Variants in NCOA1 observed in about 807,000 individuals in gnomAD.
The protein encoded by NCOA1 is Hin-2 protein.
A neutral mutation model predicts 150.9 loss-of-function variants in NCOA1; 35 were observed. The ratio of observed to expected loss-of-function variants is 0.23; its 90% CI spans 0.18 to 0.31. The LOEUF (loss-of-function observed/expected upper bound fraction) is 0.31. NCOA1 is among the 10% of genes least tolerant of loss of function. The probability of loss-of-function intolerance (pLI) is 1.00; values close to 1 mark genes in which losing one functional copy is unlikely to be tolerated. For synonymous variants in NCOA1, 590 were observed against 630.0 expected, an observed-to-expected ratio of 0.94 and a Z score of 0.95; for missense variants, 1,491 against 1,749.3, an observed-to-expected ratio of 0.85 and a Z score of 2.63.
chr2:24,747,171 C>G (rs1273624468), intron 19 of NCOA1, among the ~76,000 whole-genome samples: 1 of 151,920 alleles, frequency 6.6e-6, no homozygotes, highest in African/African-American at 2.4e-5. Context: ...CCAATATGAA[C>G]AGTTAGAATG....
intron 22 of NCOA1, among the ~76,000 whole-genome samples, chr2:24,766,705 GGAAGAGGGCTGGCA>G (rs1665082601): frequency 6.6e-6 from 1 of 152,078 alleles, no homozygotes; most frequent in African/African-American, 2.4e-5. Flanking sequence ...GAGAGGAGCG[GGAAGAGGGCTGGCA>G]GGAGGATCGT....
chr2:24,655,940 T>C lies in NCOA1; in HGVS notation c.-17-2721T>C, dbSNP rs549592775. Among the ~76,000 whole-genome samples, 19 of 151,782 alleles carry C rather than the reference T, an allele frequency of 1.3e-4. No homozygotes were observed. In the East Asian group the frequency reaches 3.5e-3, roughly 28 times the overall value. ...CATCTCTACTAAAAATACAAAAAAT[T>C]AGCCGGGCATGGTGGCAGGTGCCTG... On this transcript the variant is annotated intron_variant, in intron 4 of 22. Coordinates refer to ENST00000348332, the MANE Select transcript of NCOA1 (RefSeq NM_003743.5).
At chr2:24,620,479 C>T (rs1669089025) in intron 3 of NCOA1, among the ~76,000 whole-genome samples, 1 of 152,128 alleles carries the variant, frequency 6.6e-6, no homozygotes, top group Non-Finnish European at 1.5e-5. Context: ...TGGTGCATGC[C>T]TGTAATCCCA....
chr2:24,527,507 A>G (rs1423264300), intron 1 of NCOA1, among the ~76,000 whole-genome samples: 2 of 152,182 alleles, frequency 1.3e-5, no homozygotes, highest in Non-Finnish European at 2.9e-5. Flanking sequence ...TAAGGCTTAC[A>G]TAATATTCCA....
At chr2:24,498,931 T>G (rs1663339410) in intron 1 of NCOA1, among the ~76,000 whole-genome samples, 2 of 152,234 alleles carry the variant, frequency 1.3e-5, no homozygotes, top group African/African-American at 4.8e-5. Context: ...TTATGTATAT[T>G]TAAACACAGA....
At chr2:24,545,324 C>T (rs1404687216) in intron 1 of NCOA1, among the ~76,000 whole-genome samples, 2 of 152,112 alleles carry the variant, frequency 1.3e-5, no homozygotes, top group African/African-American at 4.8e-5. Flanking sequence ...CAGGAGCCAA[C>T]TGAAAGAGCA....
chr2:24,588,621 G>A (rs1043184430), intron 3 of NCOA1, among the ~76,000 whole-genome samples: 1 of 152,146 alleles, frequency 6.6e-6, no homozygotes, highest in African/African-American at 2.4e-5. Flanking sequence ...ACACTTACTT[G>A]TCTTTAGAGT....
chr2:24,682,824 A>G lies in NCOA1; in HGVS notation c.355-127A>G, dbSNP rs559573482. On this transcript the variant is annotated intron_variant, in intron 7 of 22. Coordinates refer to ENST00000348332, the MANE Select transcript of NCOA1 (RefSeq NM_003743.5). ...ATGTCTCTCTCTCCTGCGTATCACAATTTCCTTGAGGACAGAGACCAGGTC... is the reference window on the plus strand; with the variant it reads ...ATGTCTCTCTCTCCTGCGTATCACAGTTTCCTTGAGGACAGAGACCAGGTC... The G allele has an allele frequency of 4.5e-4, 330 of 729,628 alleles. 3 individuals are homozygous for G. Among genetic ancestry groups the G allele is most frequent in the Non-Finnish European group, 5.3e-4 (250 of 472,354 alleles). 45.2% of individuals were successfully genotyped at this position (729,628 alleles called of 1,614,324 possible).
At chr2:24,676,134 A>G (rs763561550) in intron 7 of NCOA1, among the ~76,000 whole-genome samples, 2 of 152,190 alleles carry the variant, frequency 1.3e-5, no homozygotes, top group African/African-American at 2.4e-5. Flanking sequence ...TGGAACAGCA[A>G]TGAAAAATGA....
intron 4 of NCOA1, among the ~76,000 whole-genome samples, chr2:24,655,746 G>A (rs1280346400): frequency 6.6e-6 from 1 of 152,154 alleles, no homozygotes; most frequent in African/African-American, 2.4e-5. Context: ...AACCTGAATT[G>A]AGATCTTGGT....
chr2:24,722,032 T>C (rs1175166388), intron 14 of NCOA1, among the ~76,000 whole-genome samples: 5 of 152,342 alleles, frequency 3.3e-5, no homozygotes, highest in African/African-American at 1.2e-4. Flanking sequence ...ATAAGTGATA[T>C]ATCTGCCACA....
intron 8 of NCOA1, among the ~76,000 whole-genome samples, chr2:24,685,681 C>A (rs956801565): frequency 6.6e-6 from 1 of 152,102 alleles, no homozygotes; most frequent in Non-Finnish European, 1.5e-5. Flanking sequence ...TAGGCCTCAT[C>A]GTTGGTAGGA....
chr2:24,551,610 A>T (rs551470905), intron 1 of NCOA1, among the ~76,000 whole-genome samples: 2 of 152,306 alleles, frequency 1.3e-5, no homozygotes, highest in East Asian at 3.9e-4. Context: ...TATAGCTGTG[A>T]ACATTTGCTT....
Position 24,766,397 on chromosome 2 carries a change from T to C in NCOA1, c.4156-1824T>C, listed in dbSNP as rs182181193. On this transcript the variant is annotated intron_variant, in intron 22 of 22. Transcript: ENST00000348332. ...TAAATCACTGCCTAAAAAAGAACTATATTTTGTGGTCATGTGAAGTTTCAG... is the reference window on the plus strand; with the variant it reads ...TAAATCACTGCCTAAAAAAGAACTACATTTTGTGGTCATGTGAAGTTTCAG... Among the ~76,000 whole-genome samples the C allele has an allele frequency of 1.4e-4, 21 of 152,324 alleles. No homozygotes were observed. In the East Asian group the frequency reaches 3.5e-3, roughly 25 times the overall value.
intron 3 of NCOA1, among the ~76,000 whole-genome samples, chr2:24,617,832 T>G (rs536681093): frequency 6.6e-6 from 1 of 152,126 alleles, no homozygotes; most frequent in South Asian, 2.1e-4. Context: ...TTGGAGCCAA[T>G]CTGAAGTCAT....
chr2:24,650,664 A>G (rs1670672651), intron 4 of NCOA1, among the ~76,000 whole-genome samples: 1 of 152,140 alleles, frequency 6.6e-6, no homozygotes, highest in Non-Finnish European at 1.5e-5. Flanking sequence ...ACCTGAAAAG[A>G]TATTTCTTTA....
At chr2:24,633,273 A>G (rs966406712) in intron 3 of NCOA1, among the ~76,000 whole-genome samples, 4 of 152,108 alleles carry the variant, frequency 2.6e-5, no homozygotes, top group Admixed American at 2.0e-4. Context: ...ATTTTTACCA[A>G]TTAAGAACAT....
intron 1 of NCOA1, among the ~76,000 whole-genome samples, chr2:24,538,177 A>G (rs1261905040): frequency 6.6e-6 from 1 of 152,238 alleles, no homozygotes; most frequent in African/African-American, 2.4e-5. Flanking sequence ...ACTTGATATA[A>G]AAGCAGGTTT....
chr2:24,759,678 C>T (rs1664678424), intron 21 of NCOA1, among the ~76,000 whole-genome samples: 1 of 152,032 alleles, frequency 6.6e-6, no homozygotes, highest in East Asian at 1.9e-4. Flanking sequence ...AATATATAAA[C>T]ACCAATTACC....
Sources: allele counts gnomAD v4.1 joint callset (sites outside exome capture counted in the v4.1 genomes callset), GRCh38; gene constraint gnomAD v4.1.1; transcripts MANE v1.5; gene names NCBI Gene and HGNC (gene_info 2026-07-23, HGNC 2026-07-21).